TP53BP2: variants seen among roughly 807,000 people sequenced by gnomAD.
TP53BP2 encodes the protein tumor protein p53 binding protein 2, also known as apoptosis-stimulating of p53 protein 2.
A neutral mutation model predicts 126.2 loss-of-function variants in TP53BP2; 62 were observed. The observed-to-expected ratio is 0.49, with a 90% CI of 0.40 to 0.61. The LOEUF is 0.61. Ranked by LOEUF, TP53BP2 falls within the 20% of genes least tolerant of loss-of-function variation. The pLI is 0.00. For missense variants in TP53BP2, 1,215 were observed against 1,402.8 expected, an observed-to-expected ratio of 0.87 and a Z score of 2.14; for synonymous variants, 485 against 502.9, an observed-to-expected ratio of 0.96 and a Z score of 0.48.
intron 3 of TP53BP2, among the ~76,000 whole-genome samples, chr1:223,812,684 C>T (rs1039368828): frequency 2.0e-5 from 3 of 152,130 alleles, no homozygotes; most frequent in African/African-American, 4.8e-5. Context: ...CTCAGCCTCC[C>T]GAGTAGCTGG....
intron 2 of TP53BP2, among the ~76,000 whole-genome samples, chr1:223,818,971 A>G (rs1663196068): frequency 6.6e-6 from 1 of 150,842 alleles, no homozygotes; most frequent in Non-Finnish European, 1.5e-5. Context: ...ATCACCTGAG[A>G]TAGGGAGTTC....
At chr1:223,822,212 C>T (rs928512920) in intron 1 of TP53BP2, among the ~76,000 whole-genome samples, 3 of 148,894 alleles carry the variant, frequency 2.0e-5, no homozygotes, top group Non-Finnish European at 4.5e-5. Context: ...CTGCGCCCGG[C>T]CAAAAAATTG....
At chr1:223,787,026 G>A (rs1368981113) in intron 16 of TP53BP2, among the ~76,000 whole-genome samples, 1 of 152,166 alleles carries the variant, frequency 6.6e-6, no homozygotes, top group Non-Finnish European at 1.5e-5. Flanking sequence ...CTCCCAAGTA[G>A]CTGGGATTAC....
Position 223,780,851 on chromosome 1 carries a change from T to C in TP53BP2, c.*2A>G, listed in dbSNP as rs532397554. On this transcript the variant is annotated 3_prime_UTR_variant, in exon 18 of 18. Coordinates refer to ENST00000343537, the MANE Select transcript of TP53BP2 (RefSeq NM_001031685.3). The stretch of plus-strand genomic sequence containing the variant: ...CATTGACTAAAATTCTGTGTGGAAG[T>C]TTCAGGCCAAGCTCCTTTGTCTTGG... The C allele has an allele frequency of 6.8e-6, 11 of 1,613,432 alleles. No individual in the cohort carries two copies. The Admixed American group carries it at 1.7e-4, about 24-fold the overall frequency.
chr1:223,840,181 A>G (rs1571880411), intron 1 of TP53BP2, among the ~76,000 whole-genome samples: 2 of 152,228 alleles, frequency 1.3e-5, no homozygotes, highest in East Asian at 3.8e-4. Flanking sequence ...GTTTTAAGAA[A>G]TCACTGACTA....
chr1:223,826,162 T>C (rs1663488780), intron 1 of TP53BP2: 2 of 152,216 alleles, frequency 1.3e-5, no homozygotes, highest in South Asian at 4.1e-4. Context: ...TTTGTCACAT[T>C]TGCACAAGAG....
At chr1:223,784,614 C>T (rs1046121459) in intron 16 of TP53BP2, among the ~76,000 whole-genome samples, 2 of 152,028 alleles carry the variant, frequency 1.3e-5, no homozygotes, top group African/African-American at 4.8e-5. Context: ...CTTTTGCAAG[C>T]TTAGGAACTA....
At chr1:223,825,833 T>C (rs557107752) in intron 1 of TP53BP2, 1 of 152,212 alleles carries the variant, frequency 6.6e-6, no homozygotes, top group Non-Finnish European at 1.5e-5. Flanking sequence ...ACCTGGCTCC[T>C]TCCCTCTCAT....
chr1:223,798,022 T>A (rs1200945168), intron 12 of TP53BP2, among the ~76,000 whole-genome samples, 193 bp downstream of exon 12: 1 of 152,092 alleles, frequency 6.6e-6, no homozygotes, highest in African/African-American at 2.4e-5. Context: ...ATCTATTATC[T>A]TTAGTGCCTA....
Position 223,832,746 on chromosome 1 carries a change from A to G in TP53BP2, c.28-11379T>C, listed in dbSNP as rs1663784992. On this transcript the variant is annotated intron_variant, in intron 1 of 17. Coordinates refer to ENST00000343537, the MANE Select transcript of TP53BP2 (RefSeq NM_001031685.3). ...TGCACAGACCTGGAGCTCTGCTCCA[A>G]TGCTCACTCTGCCAGCTGAGTCTGC... is the stretch of plus-strand genomic sequence containing the variant. 1.3e-5 allele frequency among the ~76,000 whole-genome samples: 2 copies of G among 152,218 alleles called. 1 individual carries two copies. The highest frequency in any genetic ancestry group is 1.3e-4 in the Admixed American group (2 of 15,292).
intron 1 of TP53BP2, among the ~76,000 whole-genome samples, chr1:223,822,144 C>T (rs1249782170): frequency 6.6e-6 from 1 of 152,204 alleles, no homozygotes; most frequent in African/African-American, 2.4e-5. Flanking sequence ...AAACTCCTGA[C>T]TTCAGGTGAT....
In TP53BP2 at chr1:223,821,461, G is replaced by C. The variant is rs549180897; in HGVS notation, c.28-94C>G. The stretch of plus-strand genomic sequence containing the variant: ...CTTTCTCCAAACAAAATCTCAGTTG[G>C]AAGTGCAAACGTACAACAGAACAGT... On this transcript the variant is annotated intron_variant, in intron 1 of 17. Coordinates refer to ENST00000343537, the MANE Select transcript of TP53BP2 (RefSeq NM_001031685.3). 11 of 1,529,104 alleles carry C rather than the reference G, an allele frequency of 7.2e-6. No homozygotes were observed. The South Asian group carries it at 1.1e-4, about 16-fold the overall frequency. 94.7% of individuals were successfully genotyped at this position (1,529,104 alleles called of 1,614,324 possible).
intron 16 of TP53BP2, among the ~76,000 whole-genome samples, chr1:223,784,646 A>G (rs927115213): frequency 6.6e-6 from 1 of 152,218 alleles, no homozygotes; most frequent in African/African-American, 2.4e-5. Context: ...GTTCAAGTCT[A>G]GGATATTAAA....
intron 1 of TP53BP2, among the ~76,000 whole-genome samples, chr1:223,829,375 A>C (rs186395456): frequency 3.3e-5 from 5 of 152,296 alleles, no homozygotes; most frequent in Admixed American, 2.0e-4. Flanking sequence ...GTAAAATGGA[A>C]ATTCAGAAAT....
At chr1:223,804,445 G>C (rs1454652928) in intron 5 of TP53BP2, 97 bp from the exon 6 acceptor site, 1 of 1,109,662 alleles carries the variant, frequency 9.0e-7, no homozygotes, top group Non-Finnish European at 1.3e-6. Flanking sequence ...TGAGATTGAG[G>C]TACACTTGTA....
chr1:223,829,056 G>A (rs1289434926), intron 1 of TP53BP2, among the ~76,000 whole-genome samples: 1 of 152,142 alleles, frequency 6.6e-6, no homozygotes, highest in South Asian at 2.1e-4. Flanking sequence ...GCCGGGCATG[G>A]TGGCTCACAC....
At chr1:223,787,228 C>T (rs973044358) in intron 16 of TP53BP2, among the ~76,000 whole-genome samples, 2 of 152,088 alleles carry the variant, frequency 1.3e-5, no homozygotes, top group Admixed American at 6.5e-5. Flanking sequence ...ATTATATTAA[C>T]GCCCATAACT....
chr1:223,792,018 T>C (rs915572524), intron 15 of TP53BP2, among the ~76,000 whole-genome samples: 4 of 152,184 alleles, frequency 2.6e-5, no homozygotes, highest in African/African-American at 4.8e-5. Flanking sequence ...CTTGGAGATA[T>C]AGAATGGACA....
intron 3 of TP53BP2, among the ~76,000 whole-genome samples, chr1:223,813,896 A>G (rs1238009803): frequency 6.6e-6 from 1 of 152,146 alleles, no homozygotes; most frequent in African/African-American, 2.4e-5. Context: ...ATTTAGCCAC[A>G]TCTGCCACAG....
Sources: allele counts gnomAD v4.1 joint callset (sites outside exome capture counted in the v4.1 genomes callset), GRCh38; gene constraint gnomAD v4.1.1; transcripts MANE v1.5; gene names NCBI Gene and HGNC (gene_info 2026-07-23, HGNC 2026-07-21).